Variants in TNFRSF11A observed in about 807,000 individuals in gnomAD.
TNFRSF11A encodes the protein tumor necrosis factor receptor superfamily member 11A.
TNFRSF11A carries 32 observed loss-of-function variants against 55.7 expected under a neutral mutation model. The ratio of observed to expected loss-of-function variants is 0.57; its 90% CI spans 0.43 to 0.77. TNFRSF11A has a LOEUF of 0.77. TNFRSF11A is among the 30% of genes least tolerant of loss of function. TNFRSF11A has a pLI of 0.00. For missense variants in TNFRSF11A, 753 were observed against 809.8 expected, an observed-to-expected ratio of 0.93 and a Z score of 0.85; for synonymous variants, 311 against 331.0, an observed-to-expected ratio of 0.94 and a Z score of 0.65.
At chr18:62,364,731 A>G (rs2145341106) in intron 7 of TNFRSF11A, among the ~76,000 whole-genome samples, 1 of 152,300 alleles carries the variant, frequency 6.6e-6, no homozygotes, top group South Asian at 2.1e-4. Context: ...TAGCTGACAC[A>G]TATTAAATAT....
At chr18:62,327,203 A>G (rs2046089052) in intron 1 of TNFRSF11A, among the ~76,000 whole-genome samples, 1 of 148,272 alleles carries the variant, frequency 6.7e-6, no homozygotes, top group Non-Finnish European at 1.5e-5. Context: ...ATCGGAGTTA[A>G]TCTTCTCTGG....
chr18:62,389,729 T>TA lies in TNFRSF11A; in HGVS notation c.*4702dup, dbSNP rs953308240. 2.6e-5 allele frequency: 4 copies of TA among 152,194 alleles called. No individual in the cohort carries two copies. The highest frequency in any genetic ancestry group is 6.5e-5 in the Admixed American group (1 of 15,268). 9.4% of individuals were successfully genotyped at this position (152,194 alleles called of 1,614,324 possible). A position where few individuals can be genotyped will look rare whatever the true frequency, so the allele number is the denominator to read the frequency against. ...ATAAAACTGGCATACAGGAATGTTT[T>TA]AAAAAAATCTTTAAGATTACCAGGA... On this transcript the variant is annotated 3_prime_UTR_variant, in exon 10 of 10. Coordinates refer to ENST00000586569, the MANE Select transcript of TNFRSF11A (RefSeq NM_003839.4).
chr18:62,339,485 T>C (rs1005704016), intron 1 of TNFRSF11A, among the ~76,000 whole-genome samples: 2 of 152,188 alleles, frequency 1.3e-5, no homozygotes, highest in Non-Finnish European at 2.9e-5. Flanking sequence ...GGGAGGATCT[T>C]TCCAATGCAT....
intron 7 of TNFRSF11A, among the ~76,000 whole-genome samples, chr18:62,364,776 G>A (rs187170224): frequency 3.9e-5 from 6 of 152,108 alleles, no homozygotes; most frequent in East Asian, 3.9e-4. Context: ...TATATTTTGC[G>A]TGTACTACGT....
At chr18:62,330,372 TGG>T (rs2046134018) in intron 1 of TNFRSF11A, among the ~76,000 whole-genome samples, 1 of 152,296 alleles carries the variant, frequency 6.6e-6, no homozygotes, top group African/African-American at 2.4e-5. Flanking sequence ...GCTCTTAGGC[TGG>T]GGGTTCCAGA....
In TNFRSF11A at chr18:62,369,090, G is replaced by A. The variant is rs367884859; in HGVS notation, c.1173G>A (p.Thr391=). The A allele has an allele frequency of 4.8e-5, 78 of 1,613,938 alleles. No homozygotes were observed. Among genetic ancestry groups the A allele is most frequent in the African/African-American group, 6.7e-5 (5 of 74,938 alleles). ...GENDSLSQCF[T]GTQSTVGSES... Reference sequence around the variant, plus strand: ...ATGACAGTTTAAGCCAGTGCTTCACGGGGACACAGAGCACAGTGGGTTCAG... The same window carrying A: ...ATGACAGTTTAAGCCAGTGCTTCACAGGGACACAGAGCACAGTGGGTTCAG... Residue 391 remains threonine, a synonymous_variant, in exon 9 of 10, where the codon ACG becomes ACA. Transcript: ENST00000586569.
intron 9 of TNFRSF11A, among the ~76,000 whole-genome samples, chr18:62,382,796 A>T (rs575512664): frequency 2.8e-5 from 4 of 142,772 alleles, no homozygotes; most frequent in Non-Finnish European, 3.2e-5. Flanking sequence ...TTTTGTTTGT[A>T]TGTTTGTTTG....
Position 62,325,646 on chromosome 18 carries a change from G to GT in TNFRSF11A, c.75+221dup, listed in dbSNP as rs1345624258. Among the ~76,000 whole-genome samples, 1 of 152,188 alleles carries GT rather than the reference G, an allele frequency of 6.6e-6. No individual in the cohort carries two copies. The highest frequency in any genetic ancestry group is 1.5e-5 in the Non-Finnish European group (1 of 68,026). On this transcript the variant is annotated intron_variant, in intron 1 of 9. Coordinates refer to ENST00000586569, the MANE Select transcript of TNFRSF11A (RefSeq NM_003839.4). This position sits in a 1 kb window ranked among gnomAD's most constrained non-coding sequence, Gnocchi z 4.7. ...GGAAACTGGGGCGCAGAAGGAGCAG[G>GT]TTGGCGGGACCGCAACACCCGAAAC...
In TNFRSF11A at chr18:62,387,345, AC is replaced by A. The variant is rs1249444619; in HGVS notation, c.*2312del. ...TATGTGACAAGTGTAAACAAAATGA[AC>A]TGAAGCAGTAATGAACAGTTATTAG... On this transcript the variant is annotated 3_prime_UTR_variant, in exon 10 of 10. Coordinates refer to ENST00000586569, the MANE Select transcript of TNFRSF11A (RefSeq NM_003839.4). The A allele has an allele frequency of 6.6e-6, 1 of 152,214 alleles. No individual in the cohort carries two copies. Among genetic ancestry groups the A allele is most frequent in the Non-Finnish European group, 1.5e-5 (1 of 68,042 alleles). 9.4% of individuals were successfully genotyped at this position (152,214 alleles called of 1,614,324 possible). A position where few individuals can be genotyped will look rare whatever the true frequency, so the allele number is the denominator to read the frequency against.
At chr18:62,337,441 A>G (rs1479434338) in intron 1 of TNFRSF11A, among the ~76,000 whole-genome samples, 3 of 152,190 alleles carry the variant, frequency 2.0e-5, no homozygotes, top group South Asian at 4.1e-4. Context: ...TTAACTCACA[A>G]TGCGTATAAA....
chr18:62,366,590 ATC>A, intron 7 of TNFRSF11A, 116 bp from the exon 8 acceptor site: 1 of 1,081,586 alleles, frequency 9.2e-7, no homozygotes, highest in Non-Finnish European at 1.4e-6. Context: ...CCATTTTACT[ATC>A]TATATTTGTC....
intron 7 of TNFRSF11A, among the ~76,000 whole-genome samples, chr18:62,365,412 A>G (rs1910005875): frequency 6.6e-6 from 1 of 152,134 alleles, no homozygotes; most frequent in Admixed American, 6.5e-5. Flanking sequence ...GTGGGTGGAG[A>G]TGTACTTTTT....
At position 62,388,532 on chromosome 18, in the gene TNFRSF11A, CG is replaced by C. The variant is rs1958193772; in HGVS notation, c.*3499del. ...GCCATCTGTCCACCACAGGGCACTG[CG>C]TGGAGTAAAATGCTGCAGAGAAGAG... On this transcript the variant is annotated 3_prime_UTR_variant, in exon 10 of 10. Coordinates refer to ENST00000586569, the MANE Select transcript of TNFRSF11A (RefSeq NM_003839.4). The C allele has an allele frequency of 6.6e-6, 1 of 152,202 alleles. No homozygotes were observed. Among genetic ancestry groups the C allele is most frequent in the Non-Finnish European group, 1.5e-5 (1 of 68,056 alleles). The allele number at this position is 152,202 out of a possible 1,614,324, so 9.4% of individuals were successfully genotyped here. A position where few individuals can be genotyped will look rare whatever the true frequency, so the allele number is the denominator to read the frequency against.
chr18:62,386,778 A>G lies in TNFRSF11A; in HGVS notation c.*1744A>G, dbSNP rs1460836594. 6.6e-6 allele frequency: 1 copy of G among 152,192 alleles called. No individual in the cohort carries two copies. The highest frequency in any genetic ancestry group is 6.5e-5 in the Admixed American group (1 of 15,274). The allele number at this position is 152,192 out of a possible 1,614,324, so 9.4% of individuals were successfully genotyped here. ...AGGATTTTCAGTGGAGAAGCACAGGACAGTTCTGTAATTTATGGGACTCCT... is the reference window on the plus strand; with the variant it reads ...AGGATTTTCAGTGGAGAAGCACAGGGCAGTTCTGTAATTTATGGGACTCCT... On this transcript the variant is annotated 3_prime_UTR_variant, in exon 10 of 10. Transcript: ENST00000586569.
intron 1 of TNFRSF11A, among the ~76,000 whole-genome samples, chr18:62,341,969 C>T (rs1372363908): frequency 1.3e-5 from 2 of 149,148 alleles, no homozygotes. Flanking sequence ...GTAGAAAAAT[C>T]CTCCTTCCCT....
At chr18:62,350,175 T>G (rs1358103843) in intron 3 of TNFRSF11A, among the ~76,000 whole-genome samples, 1 of 152,394 alleles carries the variant, frequency 6.6e-6, no homozygotes, top group African/African-American at 2.4e-5. Context: ...GGACACATCA[T>G]AGACTTGACA....
chr18:62,384,734 C>T lies in TNFRSF11A; in HGVS notation c.1568-17C>T, dbSNP rs1911566463. ...GCTGACTCACCCTCCCCGTGTTCTCCCTTCCTCTCCCCGCAGGAAATGTGA... is the reference window on the plus strand; with the variant it reads ...GCTGACTCACCCTCCCCGTGTTCTCTCTTCCTCTCCCCGCAGGAAATGTGA... On this transcript the variant is annotated splice_polypyrimidine_tract_variant and intron_variant, in intron 9 of 9. Coordinates refer to ENST00000586569, the MANE Select transcript of TNFRSF11A (RefSeq NM_003839.4). 4 of 1,609,078 alleles carry T rather than the reference C, an allele frequency of 2.5e-6. No homozygotes were observed. The highest frequency in any genetic ancestry group is 1.7e-5 in the Admixed American group (1 of 59,610).
At chr18:62,348,351 CGT>C in intron 2 of TNFRSF11A, 102 bp downstream of exon 2, 1 of 1,033,528 alleles carries the variant, frequency 9.7e-7, no homozygotes, top group East Asian at 2.5e-5. Context: ...TGGATAGACG[CGT>C]TATGGTAGTG....
At chr18:62,329,295 A>C (rs1038339713) in intron 1 of TNFRSF11A, among the ~76,000 whole-genome samples, 1 of 152,156 alleles carries the variant, frequency 6.6e-6, no homozygotes, top group African/African-American at 2.4e-5. Context: ...CCCCCTGGCC[A>C]GGTGGCCCAT....
Sources: gnomAD v4.1 joint callset for allele counts (sites outside exome capture counted in the v4.1 genomes callset) on GRCh38, gnomAD v4.1.1 for gene constraint, Gnocchi (gnomAD v3.1) non-coding constraint, MANE v1.5 for transcripts, NCBI Gene and HGNC (gene_info 2026-07-23, HGNC 2026-07-21) for gene names.